Variants in SV2B observed in about 807,000 individuals in gnomAD.
SV2B encodes the protein synaptic vesicle glycoprotein 2B.
SV2B carries 41 observed loss-of-function variants against 73.9 expected under a neutral mutation model. The ratio of observed to expected loss-of-function variants is 0.56; its 90% CI spans 0.43 to 0.72. The LOEUF (loss-of-function observed/expected upper bound fraction) is 0.72. Ranked by LOEUF, SV2B falls within the 30% of genes least tolerant of loss-of-function variation. The pLI, the probability that SV2B is intolerant of heterozygous loss-of-function variation, is 0.00. For missense variants in SV2B, 764 were observed against 857.8 expected (o/e 0.89, Z 1.37); for synonymous variants, 314 against 314.2 (o/e 1.00, Z 0.01).
intron 1 of SV2B, among the ~76,000 whole-genome samples, chr15:91,126,427 A>G (rs2042483734): frequency 6.6e-6 from 1 of 152,192 alleles, no homozygotes; most frequent in Admixed American, 6.5e-5. Flanking sequence ...TGATATATCC[A>G]TCTGGAGATA....
chr15:91,244,886 T>C lies in SV2B; in HGVS notation c.452-6933T>C, dbSNP rs201394609. Among the ~76,000 whole-genome samples, 30 of 152,344 alleles carry C rather than the reference T, an allele frequency of 2.0e-4. No homozygotes were observed. The East Asian group carries it at 5.8e-3, about 29-fold the overall frequency. On this transcript the variant is annotated intron_variant, in intron 2 of 12. Coordinates refer to ENST00000394232, the MANE Select transcript of SV2B (RefSeq NM_001323032.3). ...CTGATTTTTATTCCTGCAAAGCATA[T>C]GCATACAGTCAAATAAATATTTGAG...
In SV2B at chr15:91,107,309, A is replaced by G. The variant is rs995792734; in HGVS notation, c.-392+6946A>G. Among the ~76,000 whole-genome samples the G allele has an allele frequency of 2.6e-3, 394 of 149,000 alleles. 2 individuals are homozygous for G. The highest frequency in any genetic ancestry group is 9.2e-3 in the African/African-American group (365 of 39,764). On this transcript the variant is annotated intron_variant, in intron 1 of 12. Transcript: ENST00000394232. ...ACTTTATTTGTTTGTTTATTTATTT[A>G]TTTATTTATTTATTTATTTTTTGAG...
At position 91,141,745 on chromosome 15, in the gene SV2B, G is replaced by GT. The variant is rs59875614; in HGVS notation, c.-392+41393dup. Among the ~76,000 whole-genome samples, 53,738 of 145,270 alleles carry GT rather than the reference G, an allele frequency of 0.37. 10,440 individuals carry two copies. The highest frequency in any genetic ancestry group is 0.67 in the East Asian group (3,374 of 5,064). On this transcript the variant is annotated intron_variant, in intron 1 of 12. Transcript: ENST00000394232. The surrounding 1 kb of genome is among the most constrained non-coding windows in gnomAD (Gnocchi z 4.6). The stretch of plus-strand genomic sequence containing the variant: ...TGCCAAATAGTTTGGGTTTTGTTTT[G>GT]TTTTTTTTTTTGGACAGAGGTCACA...
chr15:91,111,312 C>A (rs1353786860), intron 1 of SV2B, among the ~76,000 whole-genome samples: 1 of 152,198 alleles, frequency 6.6e-6, no homozygotes, highest in Non-Finnish European at 1.5e-5. Flanking sequence ...CCAGTCAGTT[C>A]CTGGATTCTT....
chr15:91,125,780 G>GAAAAAAAAAAAAAAAAA (rs2042459772), intron 1 of SV2B, among the ~76,000 whole-genome samples: 6 of 40,544 alleles, frequency 1.5e-4, no homozygotes, highest in Non-Finnish European at 3.4e-4. Context: ...GTCTCAAGGG[G>GAAAAAAAAAAAAAAAAA]CAAAAAAAAA....
At chr15:91,210,155 G>A (rs1385442931) in intron 1 of SV2B, among the ~76,000 whole-genome samples, 1 of 151,878 alleles carries the variant, frequency 6.6e-6, no homozygotes, top group Admixed American at 6.6e-5. Context: ...ACAGTGAGGT[G>A]AATTTAAACA....
rs895987701 is a variant in SV2B at position 91,281,254 on chromosome 15, T to C, written c.1374-474T>C. On this transcript the variant is annotated intron_variant, in intron 9 of 12. Coordinates refer to ENST00000394232, the MANE Select transcript of SV2B (RefSeq NM_001323032.3). The surrounding 1 kb of genome is among the most constrained non-coding windows in gnomAD (Gnocchi z 4.7). The stretch of plus-strand genomic sequence containing the variant: ...GGCTGCATGGATTATATTCTACCAA[T>C]AGTATGAATGAAAGGCCTATTTCCC... Among the ~76,000 whole-genome samples the C allele has an allele frequency of 6.6e-6, 1 of 152,206 alleles. No homozygotes were observed. The highest frequency in any genetic ancestry group is 1.5e-5 in the Non-Finnish European group (1 of 68,042).
At chr15:91,201,786 T>G (rs989348095) in intron 1 of SV2B, among the ~76,000 whole-genome samples, 1 of 152,192 alleles carries the variant, frequency 6.6e-6, no homozygotes, top group African/African-American at 2.4e-5. Flanking sequence ...TCTGACAGTT[T>G]CCACCACTCC....
chr15:91,284,222 G>A lies in SV2B; in HGVS notation c.1708+1G>A. Reference sequence around the variant, plus strand: ...AGAATTGGAAGGCTCAAGATGATTGGTGAGTTGCCAGCAGGGTCATTCCTG... The same window carrying A: ...AGAATTGGAAGGCTCAAGATGATTGATGAGTTGCCAGCAGGGTCATTCCTG... On this transcript the variant is annotated splice_donor_variant, in intron 11 of 12. Transcript: ENST00000394232. LOFTEE classifies it high-confidence loss of function. The surrounding 1 kb of genome is among the most constrained non-coding windows in gnomAD (Gnocchi z 4.5). 3 of 1,614,102 alleles carry A rather than the reference G, an allele frequency of 1.9e-6. No homozygotes were observed. The highest frequency in any genetic ancestry group is 2.5e-6 in the Non-Finnish European group (3 of 1,179,988).
chr15:91,230,172 C>T (rs193072378), intron 2 of SV2B, among the ~76,000 whole-genome samples: 142 of 150,154 alleles, frequency 9.5e-4, no homozygotes, highest in Middle Eastern at 3.4e-3. Context: ...GCCCAGGAGA[C>T]GGAGGTTGCA....
At chr15:91,247,233 G>A (rs148513527) in intron 2 of SV2B, among the ~76,000 whole-genome samples, 104 of 152,252 alleles carry the variant, frequency 6.8e-4, no homozygotes, top group African/African-American at 2.4e-3. Context: ...GCAGGTCCTC[G>A]GCCAGCATTG....
At chr15:91,248,059 C>T (rs906326358) in intron 2 of SV2B, among the ~76,000 whole-genome samples, 2 of 152,160 alleles carry the variant, frequency 1.3e-5, no homozygotes, top group East Asian at 1.9e-4. Flanking sequence ...ATCCTTGTCA[C>T]GCCTGTAATC....
chr15:91,113,713 T>A (rs1196280316), intron 1 of SV2B, among the ~76,000 whole-genome samples: 1 of 152,224 alleles, frequency 6.6e-6, no homozygotes, highest in Non-Finnish European at 1.5e-5. Context: ...ATAATAGGAA[T>A]ATATTATAGA....
rs866100604 is a variant in SV2B at position 91,251,806 on chromosome 15, C to T, written c.452-13C>T. On this transcript the variant is annotated splice_polypyrimidine_tract_variant and intron_variant, in intron 2 of 12. Transcript: ENST00000394232. Reference sequence around the variant, plus strand: ...TTTCTCTCTATTCTCTCCTCTCCTCCCCCTCATTGCAGGGATGATAGTCTA... The same window carrying T: ...TTTCTCTCTATTCTCTCCTCTCCTCTCCCTCATTGCAGGGATGATAGTCTA... The T allele has an allele frequency of 6.2e-7, 1 of 1,613,080 alleles. No homozygotes were observed. Among genetic ancestry groups the T allele is most frequent in the Non-Finnish European group, 8.5e-7 (1 of 1,179,308 alleles).
In SV2B at chr15:91,288,573, A is replaced by C. The variant is rs1426626271; in HGVS notation, c.1709-948A>C. ...AGCATCCTGCCTTCCAGGTTCATCC[A>C]TGTTGTCATAAATGGCAGAATTCCT... On this transcript the variant is annotated intron_variant, in intron 11 of 12. Transcript: ENST00000394232. The surrounding 1 kb of genome is among the most constrained non-coding windows in gnomAD (Gnocchi z 5.8). Among the ~76,000 whole-genome samples, 1 of 151,972 alleles carries C rather than the reference A, an allele frequency of 6.6e-6. No homozygotes were observed. Among genetic ancestry groups the C allele is most frequent in the Non-Finnish European group, 1.5e-5 (1 of 67,936 alleles).
rs1275103889 is a variant in SV2B, at chr15:91,166,798, T to TTTTTC, written c.-391-59070_-391-59066dup. ...TGTAATTTTTAGTTTTTTTGTATAG[T>TTTTTC]TTTTCTTTTGTTTTCTTTTCTTTTT... On this transcript the variant is annotated intron_variant, in intron 1 of 12. Transcript: ENST00000394232. Among the ~76,000 whole-genome samples, 303 of 151,264 alleles carry TTTTTC rather than the reference T, an allele frequency of 2.0e-3. 2 individuals carry two copies. The highest frequency in any genetic ancestry group is 7.0e-3 in the African/African-American group (288 of 41,108).
At chr15:91,154,162 T>C (rs982191710) in intron 1 of SV2B, among the ~76,000 whole-genome samples, 4 of 147,954 alleles carry the variant, frequency 2.7e-5, no homozygotes, top group African/African-American at 9.8e-5. Context: ...TATAAAATTA[T>C]ATTATAGATT....
At chr15:91,243,801 C>T (rs2047117160) in intron 2 of SV2B, among the ~76,000 whole-genome samples, 1 of 152,214 alleles carries the variant, frequency 6.6e-6, no homozygotes, top group Non-Finnish European at 1.5e-5. Context: ...AAGCAAGGGG[C>T]TTCTGTCTCT....
Position 91,267,362 on chromosome 15 carries a change from C to A in SV2B, c.1120-193C>A, listed in dbSNP as rs1035123776. ...CCTATTGGACTGTTAGAGTATGAGGCCAGCCAGTAGGAAGAGAAGAGGCTT... is the reference window on the plus strand; with the variant it reads ...CCTATTGGACTGTTAGAGTATGAGGACAGCCAGTAGGAAGAGAAGAGGCTT... On this transcript the variant is annotated intron_variant, in intron 7 of 12. Coordinates refer to ENST00000394232, the MANE Select transcript of SV2B (RefSeq NM_001323032.3). This position sits in a 1 kb window ranked among gnomAD's most constrained non-coding sequence, Gnocchi z 4.3. Among the ~76,000 whole-genome samples the A allele has an allele frequency of 6.6e-6, 1 of 152,122 alleles. No homozygotes were observed. The highest frequency in any genetic ancestry group is 2.4e-5 in the African/African-American group (1 of 41,414).
Sources: gnomAD v4.1 joint callset for allele counts (sites outside exome capture counted in the v4.1 genomes callset) on GRCh38, gnomAD v4.1.1 for gene constraint, Gnocchi (gnomAD v3.1) non-coding constraint, MANE v1.5 for transcripts, NCBI Gene and HGNC (gene_info 2026-07-23, HGNC 2026-07-21) for gene names.